The following NELL1 variants were observed in gnomAD, a reference collection of about 807,000 sequenced individuals.
NELL1 encodes neural EGFL like 1.
Under a neutral mutation model 107.4 loss-of-function variants are expected in NELL1, and 76 were observed. The observed-to-expected ratio is 0.71, with a 90% CI of 0.59 to 0.86. The LOEUF is 0.86. Ranked by LOEUF, NELL1 falls within the 40% of genes least tolerant of loss-of-function variation. The pLI is 0.00. For missense variants in NELL1, 1,024 were observed against 1,005.5 expected (o/e 1.02, Z -0.25); for synonymous variants, 353 against 341.2 (o/e 1.03, Z -0.38).
At chr11:20,762,139 AG>A (rs1208042225) in intron 2 of NELL1, among the ~76,000 whole-genome samples, 1 of 152,226 alleles carries the variant, frequency 6.6e-6, no homozygotes, top group Non-Finnish European at 1.5e-5. Context: ...CATATGGAGC[AG>A]AGTGCCCTTT....
intron 12 of NELL1, among the ~76,000 whole-genome samples, chr11:21,064,626 A>G (rs2134368268): frequency 6.6e-6 from 1 of 152,232 alleles, no homozygotes; most frequent in South Asian, 2.1e-4. Flanking sequence ...ATATTAGCAT[A>G]TTATAAAAGT....
At chr11:20,684,680 G>T (rs915865922) in intron 2 of NELL1, among the ~76,000 whole-genome samples, 11 of 151,940 alleles carry the variant, frequency 7.2e-5, no homozygotes, top group Admixed American at 2.6e-4. Context: ...CTGAGCTTTT[G>T]TGTATTTTTA....
At chr11:21,330,428 C>T (rs1361029245) in intron 14 of NELL1, among the ~76,000 whole-genome samples, 1 of 152,004 alleles carries the variant, frequency 6.6e-6, no homozygotes, top group African/African-American at 2.4e-5. Flanking sequence ...GCAACAAATT[C>T]TGTCAATTTT....
chr11:21,265,951 C>A (rs1002727781), intron 14 of NELL1, among the ~76,000 whole-genome samples: 4 of 151,944 alleles, frequency 2.6e-5, no homozygotes, highest in Non-Finnish European at 4.4e-5. Context: ...TACATAAATC[C>A]TTCCTTTCAG....
chr11:20,799,374 G>T (rs1252283675), intron 3 of NELL1, among the ~76,000 whole-genome samples: 1 of 152,174 alleles, frequency 6.6e-6, no homozygotes, highest in African/African-American at 2.4e-5. Flanking sequence ...ATTATTTCAG[G>T]ACAACAGTTA....
chr11:21,197,056 G>A (rs1857170022), intron 13 of NELL1, among the ~76,000 whole-genome samples: 2 of 151,566 alleles, frequency 1.3e-5, no homozygotes, highest in South Asian at 4.2e-4. Context: ...ATTTTTATTA[G>A]AGATGGGGTT....
At chr11:21,573,509 A>G (rs1423151779) in intron 19 of NELL1, 100 bp downstream of exon 19, 1 of 977,850 alleles carries the variant, frequency 1.0e-6, no homozygotes, top group African/African-American at 1.6e-5. Flanking sequence ...GGTTCAATGG[A>G]CATGGTGGAA....
chr11:20,792,060 T>A (rs1338907209), intron 3 of NELL1, among the ~76,000 whole-genome samples: 1 of 152,072 alleles, frequency 6.6e-6, no homozygotes, highest in Non-Finnish European at 1.5e-5. Context: ...AAGTGAGGTA[T>A]TGGTCTGCAG....
chr11:21,056,108 G>T (rs560115162), intron 12 of NELL1, among the ~76,000 whole-genome samples: 1 of 152,130 alleles, frequency 6.6e-6, no homozygotes, highest in Non-Finnish European at 1.5e-5. Context: ...TAGAAAAGCT[G>T]AAGTGAGAGA....
intron 2 of NELL1, among the ~76,000 whole-genome samples, chr11:20,755,865 G>GTTTTTTTTTTTTTTT (rs574606148): frequency 1.6e-5 from 2 of 122,068 alleles, no homozygotes; most frequent in African/African-American, 3.3e-5. Flanking sequence ...CAGACCTGCG[G>GTTTTTTTTTTTTTTT]TTTTTTTTTT....
chr11:20,955,004 T>A (rs925224227), intron 11 of NELL1, among the ~76,000 whole-genome samples: 1 of 152,196 alleles, frequency 6.6e-6, no homozygotes, highest in Non-Finnish European at 1.5e-5. Flanking sequence ...AGGATGCACA[T>A]GTGCCGTTGA....
intron 14 of NELL1, among the ~76,000 whole-genome samples, chr11:21,269,374 TCTCACACACA>T (rs1565138832): frequency 1.3e-5 from 2 of 149,390 alleles, no homozygotes; most frequent in Non-Finnish European, 3.0e-5. Context: ...TCTCTCTCTC[TCTCACACACA>T]CACACACAGA....
chr11:21,163,758 G>T (rs1856422727), intron 13 of NELL1, among the ~76,000 whole-genome samples: 1 of 152,020 alleles, frequency 6.6e-6, no homozygotes, highest in South Asian at 2.1e-4. Context: ...AGAAGTTCTG[G>T]TGTCTCTTTC....
chr11:20,720,771 C>A (rs1030085416), intron 2 of NELL1, among the ~76,000 whole-genome samples: 1 of 151,982 alleles, frequency 6.6e-6, no homozygotes, highest in African/African-American at 2.4e-5. Context: ...GTTCAAATTT[C>A]TTCTTTTTAT....
chr11:21,417,874 A>G (rs1337870865), intron 15 of NELL1, among the ~76,000 whole-genome samples: 1 of 151,994 alleles, frequency 6.6e-6, no homozygotes, highest in African/African-American at 2.4e-5. Context: ...AAATGAAACA[A>G]AACAAAACAA....
intron 15 of NELL1, among the ~76,000 whole-genome samples, chr11:21,404,655 A>G (rs1852190586): frequency 6.6e-6 from 1 of 152,060 alleles, no homozygotes; most frequent in Non-Finnish European, 1.5e-5. Flanking sequence ...AATCATCATA[A>G]TAATCCCATG....
At chr11:20,763,074 C>A (rs761710192) in intron 2 of NELL1, among the ~76,000 whole-genome samples, 16 of 152,126 alleles carry the variant, frequency 1.1e-4, no homozygotes, top group Non-Finnish European at 1.9e-4. Flanking sequence ...CTTAGTGACT[C>A]CTCATTTATT....
chr11:21,560,158 A>AT, intron 16 of NELL1, 31 bp from the exon 17 acceptor site: 3 of 1,606,144 alleles, frequency 1.9e-6, no homozygotes, highest in Non-Finnish European at 2.6e-6. Context: ...CCTTGGCTAG[A>AT]TTCTAAGCTT....
chr11:21,124,636 T>G (rs1211776912), intron 13 of NELL1, among the ~76,000 whole-genome samples: 1 of 151,644 alleles, frequency 6.6e-6, no homozygotes, highest in African/African-American at 2.4e-5. Context: ...GATTTCGCTC[T>G]TGATGCCCAG....
Sources: allele counts gnomAD v4.1 joint callset (sites outside exome capture counted in the v4.1 genomes callset), GRCh38; gene constraint gnomAD v4.1.1; transcripts MANE v1.5; gene names NCBI Gene and HGNC (gene_info 2026-07-23, HGNC 2026-07-21).